Variants in RIMS2 observed in about 807,000 individuals in gnomAD.
RIMS2 encodes the protein regulating synaptic membrane exocytosis 2.
RIMS2 carries 59 observed loss-of-function variants against 174.4 expected under a neutral mutation model. That is an observed-to-expected ratio of 0.34 (90% CI 0.27 to 0.42). The LOEUF (loss-of-function observed/expected upper bound fraction) is 0.42. Ranked by LOEUF, RIMS2 falls within the 10% of genes least tolerant of loss-of-function variation. The pLI is 1.00. For synonymous variants in RIMS2, 606 were observed against 572.5 expected (o/e 1.06, Z -0.84); for missense variants, 1,620 against 1,666.3 (o/e 0.97, Z 0.48).
At chr8:103,832,802 A>G (rs537579236) in intron 3 of RIMS2, among the ~76,000 whole-genome samples, 1 of 152,284 alleles carries the variant, frequency 6.6e-6, no homozygotes, top group African/African-American at 2.4e-5. Flanking sequence ...TATTGGTTGC[A>G]CTTTCACAAT....
intron 19 of RIMS2, among the ~76,000 whole-genome samples, chr8:104,137,362 G>A (rs2133327693): frequency 6.6e-6 from 1 of 152,194 alleles, no homozygotes; most frequent in African/African-American, 2.4e-5. Context: ...CTTCATTGAG[G>A]TTGCTTCGTT....
chr8:103,812,597 GTC>G (rs887591812), intron 3 of RIMS2, among the ~76,000 whole-genome samples: 1 of 152,076 alleles, frequency 6.6e-6, no homozygotes, highest in African/African-American at 2.4e-5. Flanking sequence ...GGCCAGGCTG[GTC>G]TCAAACTCCT....
rs6468897 is a variant in RIMS2 at position 103,921,800 on chromosome 8, G to A, written c.2196+16G>A. The A allele has an allele frequency of 0.66, 605,606 of 914,812 alleles. 205,805 individuals carry two copies. Among genetic ancestry groups the A allele is most frequent in the African/African-American group, 0.73 (43,878 of 60,518 alleles). The allele number at this position is 914,812 out of a possible 1,614,324, so 56.7% of individuals were successfully genotyped here. A position where few individuals can be genotyped will look rare whatever the true frequency, so the allele number is the denominator to read the frequency against. ...ACAACTTTCAGTATGTAGTCATTAC[G>A]TTTACTCTTCTTTTTGGAATATCAA... On this transcript the variant is annotated intron_variant, in intron 10 of 23. Transcript: ENST00000504942.
chr8:103,930,682 G>A (rs186419637), intron 11 of RIMS2, among the ~76,000 whole-genome samples: 21,264 of 151,978 alleles, frequency 0.14, 1,675 homozygotes, highest in Non-Finnish European at 0.17. Flanking sequence ...GAGACTTAAT[G>A]TCTGAATAAG....
intron 19 of RIMS2, among the ~76,000 whole-genome samples, chr8:104,126,056 T>C (rs897379372): frequency 6.6e-6 from 1 of 152,140 alleles, no homozygotes; most frequent in Non-Finnish European, 1.5e-5. Context: ...TGATTGAGGC[T>C]AGAAGGTGGA....
intron 3 of RIMS2, among the ~76,000 whole-genome samples, chr8:103,832,915 A>G (rs1593357471): frequency 6.6e-6 from 1 of 152,238 alleles, no homozygotes; most frequent in Admixed American, 6.5e-5. Flanking sequence ...AAGAGAAATG[A>G]GTAGTCTTTT....
intron 1 of RIMS2, among the ~76,000 whole-genome samples, chr8:103,665,303 A>T (rs28422794): frequency 6.6e-6 from 1 of 152,136 alleles, no homozygotes; most frequent in African/African-American, 2.4e-5. Flanking sequence ...AGATTCTTTC[A>T]TAGTTCATAA....
intron 19 of RIMS2, among the ~76,000 whole-genome samples, chr8:104,076,638 A>C (rs2097297879): frequency 6.6e-6 from 1 of 152,122 alleles, no homozygotes; most frequent in Non-Finnish European, 1.5e-5. Context: ...TTAGGGTTAA[A>C]TAAAGACTAC....
intron 19 of RIMS2, among the ~76,000 whole-genome samples, chr8:104,239,680 T>TA (rs957608296): frequency 1.3e-5 from 2 of 152,226 alleles, no homozygotes; most frequent in African/African-American, 2.4e-5. Context: ...TCTCCTCATG[T>TA]AAAAAACTTA....
intron 14 of RIMS2, among the ~76,000 whole-genome samples, chr8:103,946,053 T>G (rs1328622633): frequency 6.6e-6 from 1 of 152,182 alleles, no homozygotes; most frequent in African/African-American, 2.4e-5. Context: ...CTGCCTTTAT[T>G]CACAGATGAC....
intron 1 of RIMS2, among the ~76,000 whole-genome samples, chr8:103,532,238 A>T (rs1303474538): frequency 3.9e-5 from 6 of 152,222 alleles, no homozygotes; most frequent in Admixed American, 3.9e-4. Context: ...GTGATTTAGT[A>T]GCTCTGAGAT....
At chr8:103,883,275 G>A (rs576665151) in intron 3 of RIMS2, among the ~76,000 whole-genome samples, 13 of 151,706 alleles carry the variant, frequency 8.6e-5, no homozygotes, top group East Asian at 3.9e-4. Context: ...TATATAGTTC[G>A]AAATAACTGG....
intron 11 of RIMS2, chr8:103,927,952 G>A (rs1049118850): frequency 2.9e-6 from 4 of 1,382,792 alleles, no homozygotes; most frequent in African/African-American, 2.9e-5. Flanking sequence ...TATGTTTTTG[G>A]AAAATGCGTT....
intron 19 of RIMS2, among the ~76,000 whole-genome samples, chr8:104,036,132 ATTTTATTT>A (rs1418466239): frequency 1.3e-4 from 17 of 127,538 alleles, no homozygotes; most frequent in Admixed American, 1.3e-3. Flanking sequence ...AATTTATTTT[ATTTTATTT>A]ATTTATTTAT....
At chr8:103,611,798 C>G (rs1055554324) in intron 1 of RIMS2, among the ~76,000 whole-genome samples, 1 of 151,824 alleles carries the variant, frequency 6.6e-6, no homozygotes, top group Admixed American at 6.6e-5. Flanking sequence ...CCTTCTTGTA[C>G]TTGAATGCTC....
chr8:103,575,619 A>G (rs913368613), intron 1 of RIMS2, among the ~76,000 whole-genome samples: 2 of 149,344 alleles, frequency 1.3e-5, no homozygotes, highest in Admixed American at 6.7e-5. Context: ...ATATGTATTT[A>G]TATAATATAT....
At chr8:103,575,667 C>T (rs868621875) in intron 1 of RIMS2, among the ~76,000 whole-genome samples, 11 of 114,494 alleles carry the variant, frequency 9.6e-5, no homozygotes, top group African/African-American at 3.2e-4. Context: ...TATAAACACA[C>T]ACATACACAC....
chr8:103,752,675 AT>A (rs1226629785), intron 2 of RIMS2, among the ~76,000 whole-genome samples: 4 of 151,960 alleles, frequency 2.6e-5, no homozygotes, highest in African/African-American at 9.7e-5. Context: ...ATTCCTAGGT[AT>A]TTTATTCTCT....
chr8:103,587,409 G>GAAGAAAGA (rs201019003), intron 1 of RIMS2, among the ~76,000 whole-genome samples: 3,714 of 117,044 alleles, frequency 0.032, 86 homozygotes, highest in Middle Eastern at 0.085. Context: ...GAAGAAAAAA[G>GAAGAAAGA]AAGAAAGAAA....
Sources: gnomAD v4.1 joint callset for allele counts (sites outside exome capture counted in the v4.1 genomes callset) on GRCh38, gnomAD v4.1.1 for gene constraint, MANE v1.5 for transcripts, NCBI Gene and HGNC (gene_info 2026-07-23, HGNC 2026-07-21) for gene names.